The following PRSS12 variants were observed in gnomAD, a reference collection of about 807,000 sequenced individuals.
The protein encoded by PRSS12 is neurotrypsin.
PRSS12 carries 85 observed loss-of-function variants against 104.4 expected under a neutral mutation model. That is an observed-to-expected ratio of 0.81 (90% CI 0.68 to 0.98). PRSS12 has a LOEUF of 0.98. Among genes scored for constraint, PRSS12 ranks in the 50% least tolerant of loss-of-function variants. PRSS12 has a pLI of 0.00. For synonymous variants in PRSS12, 454 were observed against 425.2 expected, an observed-to-expected ratio of 1.07 and a Z score of -0.83; for missense variants, 1,141 against 1,139.2, an observed-to-expected ratio of 1.00 and a Z score of -0.02.
At chr4:118,316,837 A>AAAAAATAT (rs35698159) in intron 5 of PRSS12, among the ~76,000 whole-genome samples, 77 of 99,184 alleles carry the variant, frequency 7.8e-4, no homozygotes, top group African/African-American at 2.1e-3. Context: ...AAAAAAAAAA[A>AAAAAATAT]ATATATATAT....
intron 4 of PRSS12, among the ~76,000 whole-genome samples, chr4:118,329,077 C>T (rs190030222): frequency 1.3e-5 from 2 of 152,256 alleles, no homozygotes; most frequent in Non-Finnish European, 1.5e-5. Flanking sequence ...CAGGTGTGAG[C>T]CACCGTGCCC....
At position 118,282,310 on chromosome 4, in the gene PRSS12, G is replaced by A. The variant is rs1742901867; in HGVS notation, c.2321-67C>T. The A allele has an allele frequency of 1.1e-5, 18 of 1,571,202 alleles. No homozygotes were observed. In the South Asian group the frequency reaches 1.5e-4, roughly 13 times the overall value. On this transcript the variant is annotated intron_variant, in intron 12 of 12. Transcript: ENST00000296498. The stretch of plus-strand genomic sequence containing the variant: ...CATCGCAACATTTAACAGTTACTGA[G>A]CATGTAATAGTTATGAAAATAAAAT...
At chr4:118,316,001 C>T (rs1219311277) in intron 6 of PRSS12, among the ~76,000 whole-genome samples, 181 bp downstream of exon 6, 2 of 152,088 alleles carry the variant, frequency 1.3e-5, no homozygotes, top group Non-Finnish European at 2.9e-5. Context: ...AAATAAACAG[C>T]AAGAGGTGGT....
At chr4:118,311,676 G>T (rs939028780) in intron 7 of PRSS12, among the ~76,000 whole-genome samples, 1 of 152,120 alleles carries the variant, frequency 6.6e-6, no homozygotes, top group Non-Finnish European at 1.5e-5. Flanking sequence ...GAACCAAAGA[G>T]ATTCATAATA....
At chr4:118,307,051 G>C (rs1005655988) in intron 8 of PRSS12, among the ~76,000 whole-genome samples, 2 of 152,088 alleles carry the variant, frequency 1.3e-5, no homozygotes, top group South Asian at 4.2e-4. Context: ...GGAATGTAAT[G>C]CAAGAACAAG....
chr4:118,333,211 A>G (rs1047135662), intron 3 of PRSS12, among the ~76,000 whole-genome samples: 1 of 152,196 alleles, frequency 6.6e-6, no homozygotes, highest in African/African-American at 2.4e-5. Flanking sequence ...TTACTAGAAT[A>G]AAGGACGTAA....
At chr4:118,316,093 T>C in intron 6 of PRSS12, 89 bp downstream of exon 6, 1 of 1,406,286 alleles carries the variant, frequency 7.1e-7, no homozygotes, top group African/African-American at 1.4e-5. Context: ...ATTTTTATTA[T>C]TATAAAAATT....
intron 11 of PRSS12, among the ~76,000 whole-genome samples, chr4:118,292,153 T>A (rs187966779): frequency 4.4e-4 from 67 of 152,292 alleles, no homozygotes; most frequent in African/African-American, 1.5e-3. Flanking sequence ...TCCAACATAT[T>A]ACTTGTCCCT....
In PRSS12 at chr4:118,280,810, T is replaced by C. The variant is rs529408676; in HGVS notation, c.*1126A>G. The C allele has an allele frequency of 2.6e-5, 4 of 152,202 alleles. No individual in the cohort carries two copies. Among genetic ancestry groups the C allele is most frequent in the Admixed American group, 1.3e-4 (2 of 15,282 alleles). 9.4% of individuals were successfully genotyped at this position (152,202 alleles called of 1,614,324 possible). ...AACCATGGGGAAAAAAATCAGCATT[T>C]TTTCTGGAGTTTGGAATCAGTTTCA... On this transcript the variant is annotated 3_prime_UTR_variant, in exon 13 of 13. Coordinates refer to ENST00000296498, the MANE Select transcript of PRSS12 (RefSeq NM_003619.4).
At chr4:118,293,496 G>A (rs562883451) in intron 11 of PRSS12, among the ~76,000 whole-genome samples, 1 of 152,130 alleles carries the variant, frequency 6.6e-6, no homozygotes, top group African/African-American at 2.4e-5. Flanking sequence ...CAAGTAAAAG[G>A]ACAAGGTCCA....
intron 11 of PRSS12, among the ~76,000 whole-genome samples, chr4:118,289,020 T>C (rs1376024301): frequency 6.6e-6 from 1 of 152,170 alleles, no homozygotes; most frequent in Non-Finnish European, 1.5e-5. Context: ...TACGAAAACT[T>C]TGCCAGCCTT....
intron 11 of PRSS12, among the ~76,000 whole-genome samples, chr4:118,286,995 G>A (rs1474895818): frequency 1.3e-5 from 2 of 151,996 alleles, no homozygotes; most frequent in Non-Finnish European, 2.9e-5. Context: ...GATTTTGGCA[G>A]GTAAACCCCA....
chr4:118,284,490 C>T (rs1742970335), intron 11 of PRSS12, among the ~76,000 whole-genome samples: 1 of 152,166 alleles, frequency 6.6e-6, no homozygotes, highest in South Asian at 2.1e-4. Flanking sequence ...TGAGTGTATT[C>T]TCCACCTCAT....
chr4:118,331,242 T>C (rs952016230), intron 4 of PRSS12, among the ~76,000 whole-genome samples: 8 of 152,206 alleles, frequency 5.3e-5, no homozygotes, highest in Admixed American at 3.3e-4. Context: ...TAGGCTTCCT[T>C]TCCAACCCTA....
At chr4:118,325,575 A>G (rs1723749766) in intron 4 of PRSS12, among the ~76,000 whole-genome samples, 1 of 152,106 alleles carries the variant, frequency 6.6e-6, no homozygotes, top group Non-Finnish European at 1.5e-5. Flanking sequence ...TCAGCCAGTC[A>G]CTAGCATTTC....
intron 4 of PRSS12, among the ~76,000 whole-genome samples, chr4:118,328,711 C>T (rs1040175845): frequency 6.6e-6 from 1 of 152,142 alleles, no homozygotes; most frequent in African/African-American, 2.4e-5. Flanking sequence ...GTAGCCTCAA[C>T]CTCTTGGGCT....
intron 11 of PRSS12, among the ~76,000 whole-genome samples, chr4:118,293,288 T>C (rs996173018): frequency 8.6e-5 from 13 of 151,886 alleles, no homozygotes; most frequent in East Asian, 1.9e-4. Context: ...TAAACAAAAA[T>C]AAACTGGAAA....
intron 8 of PRSS12, 67 bp from the exon 9 acceptor site, chr4:118,299,005 T>A (rs1274732471): frequency 3.3e-6 from 5 of 1,522,324 alleles, no homozygotes; most frequent in African/African-American, 1.4e-5. Context: ...AATCACAACA[T>A]GTATTCAATT....
chr4:118,323,801 TG>T (rs945018017), intron 4 of PRSS12, among the ~76,000 whole-genome samples: 6 of 151,854 alleles, frequency 4.0e-5, no homozygotes, highest in African/African-American at 1.4e-4. Context: ...AGTAATAACT[TG>T]TTTTTTATAT....
Sources: allele counts gnomAD v4.1 joint callset (sites outside exome capture counted in the v4.1 genomes callset), GRCh38; gene constraint gnomAD v4.1.1; transcripts MANE v1.5; gene names NCBI Gene and HGNC (gene_info 2026-07-23, HGNC 2026-07-21).